DLG2: variants seen among roughly 807,000 people sequenced by gnomAD.
The protein encoded by DLG2 is disks large homolog 2.
DLG2 carries 45 observed loss-of-function variants against 132.5 expected under a neutral mutation model. The observed-to-expected ratio is 0.34, with a 90% confidence interval of 0.27 to 0.44. The LOEUF (loss-of-function observed/expected upper bound fraction) is 0.44, where lower values mean the gene tolerates loss of function less well. Ranked by LOEUF, DLG2 falls within the 20% of genes least tolerant of loss-of-function variation. DLG2 has a pLI of 1.00. For missense variants in DLG2, 1,045 were observed against 1,196.9 expected (o/e 0.87, Z 1.87); for synonymous variants, 424 against 419.6 (o/e 1.01, Z -0.13).
At chr11:85,505,598 A>G (rs894629731) in intron 3 of DLG2, among the ~76,000 whole-genome samples, 1 of 152,022 alleles carries the variant, frequency 6.6e-6, no homozygotes, top group East Asian at 1.9e-4. Flanking sequence ...AAGATTTCTG[A>G]TGTGCTGCTG....
intron 6 of DLG2, among the ~76,000 whole-genome samples, chr11:85,064,515 G>A (rs2064595289): frequency 1.3e-5 from 2 of 151,584 alleles, no homozygotes; most frequent in African/African-American, 4.8e-5. Context: ...CTAATATACA[G>A]TATAACCTAT....
At chr11:84,233,396 G>A (rs867319604) in intron 8 of DLG2, among the ~76,000 whole-genome samples, 2 of 152,158 alleles carry the variant, frequency 1.3e-5, no homozygotes, top group African/African-American at 4.8e-5. Flanking sequence ...GAAAAATCAA[G>A]CTGAAAACAT....
chr11:84,181,722 A>C (rs1033570182), intron 8 of DLG2, among the ~76,000 whole-genome samples: 6 of 152,194 alleles, frequency 3.9e-5, no homozygotes, highest in African/African-American at 1.4e-4. Context: ...AGAAAGTGGG[A>C]GTAGCTATAT....
At chr11:84,788,544 C>A (rs1398590992) in intron 6 of DLG2, among the ~76,000 whole-genome samples, 1 of 151,890 alleles carries the variant, frequency 6.6e-6, no homozygotes, top group African/African-American at 2.4e-5. Flanking sequence ...CTTAGTATTC[C>A]AATGTATAAT....
intron 6 of DLG2, among the ~76,000 whole-genome samples, chr11:84,974,979 C>T (rs769650299): frequency 2.0e-5 from 3 of 152,164 alleles, no homozygotes; most frequent in Non-Finnish European, 4.4e-5. Flanking sequence ...ATATTATTCT[C>T]AGATTTTATA....
At chr11:84,858,625 T>C (rs535651335) in intron 6 of DLG2, among the ~76,000 whole-genome samples, 1 of 152,234 alleles carries the variant, frequency 6.6e-6, no homozygotes, top group South Asian at 2.1e-4. Context: ...CAGGATATTT[T>C]TGTGAATTAA....
intron 6 of DLG2, among the ~76,000 whole-genome samples, chr11:84,903,712 C>G (rs1213921307): frequency 6.6e-6 from 1 of 152,054 alleles, no homozygotes; most frequent in Non-Finnish European, 1.5e-5. Context: ...GCAGTTCTTT[C>G]TCTACTTCAA....
intron 4 of DLG2, among the ~76,000 whole-genome samples, chr11:85,233,226 A>G (rs979789641): frequency 1.3e-5 from 2 of 151,522 alleles, no homozygotes; most frequent in African/African-American, 4.8e-5. Context: ...AGGTCTGCGT[A>G]TTGTTTTTTT....
chr11:84,365,875 T>A (rs1371832455), intron 7 of DLG2, among the ~76,000 whole-genome samples: 2 of 152,030 alleles, frequency 1.3e-5, no homozygotes, highest in African/African-American at 4.8e-5. Context: ...TGGAACCAAG[T>A]TGGAAAACAC....
At chr11:85,278,523 C>T (rs975927590) in intron 4 of DLG2, among the ~76,000 whole-genome samples, 1 of 151,996 alleles carries the variant, frequency 6.6e-6, no homozygotes, top group African/African-American at 2.4e-5. Flanking sequence ...TCGCTTGAAC[C>T]TGGGAGGTGG....
At chr11:84,165,931 A>T (rs1420077432) in intron 8 of DLG2, among the ~76,000 whole-genome samples, 1 of 152,096 alleles carries the variant, frequency 6.6e-6, no homozygotes, top group South Asian at 2.1e-4. Context: ...AACAACAACA[A>T]CAAAGCATCC....
chr11:84,892,189 G>A (rs1252515148), intron 6 of DLG2, among the ~76,000 whole-genome samples: 2 of 152,140 alleles, frequency 1.3e-5, no homozygotes, highest in African/African-American at 4.8e-5. Flanking sequence ...AAAGGCAACT[G>A]ATGTCATAGG....
At chr11:83,763,609 C>T (rs1256268063) in intron 18 of DLG2, among the ~76,000 whole-genome samples, 1 of 152,178 alleles carries the variant, frequency 6.6e-6, no homozygotes, top group Admixed American at 6.5e-5. Flanking sequence ...CATATTTCAT[C>T]AATTGTAAAA....
chr11:83,964,158 T>G (rs2089637860), intron 13 of DLG2, among the ~76,000 whole-genome samples: 1 of 151,998 alleles, frequency 6.6e-6, no homozygotes, highest in Non-Finnish European at 1.5e-5. Context: ...TTAGGTTTAT[T>G]AGAGTCGTTT....
At chr11:84,211,773 T>A (rs1230234591) in intron 8 of DLG2, among the ~76,000 whole-genome samples, 1 of 152,200 alleles carries the variant, frequency 6.6e-6, no homozygotes, top group Non-Finnish European at 1.5e-5. Flanking sequence ...AGGATCAGAT[T>A]TAACTCAGCA....
intron 7 of DLG2, among the ~76,000 whole-genome samples, chr11:84,251,642 T>TC (rs1274611497): frequency 7.0e-6 from 1 of 143,114 alleles, no homozygotes. Context: ...CTTTTCTTTC[T>TC]TTTTTTTTTT....
At chr11:85,120,504 T>C (rs575703759) in intron 5 of DLG2, among the ~76,000 whole-genome samples, 1 of 152,192 alleles carries the variant, frequency 6.6e-6, no homozygotes, top group South Asian at 2.1e-4. Context: ...TTATGGTTTC[T>C]TTAGCAAATA....
chr11:84,962,257 C>T (rs988831554), intron 6 of DLG2, among the ~76,000 whole-genome samples: 8 of 152,274 alleles, frequency 5.3e-5, no homozygotes, highest in South Asian at 2.1e-4. Flanking sequence ...AGATTAAACA[C>T]GTAGTAGAGA....
At chr11:84,349,240 G>T (rs981452615) in intron 7 of DLG2, among the ~76,000 whole-genome samples, 15 of 152,216 alleles carry the variant, frequency 9.9e-5, no homozygotes, top group South Asian at 4.1e-4. Context: ...AAGTAGGGGT[G>T]CTGGGGACAG....
Sources: allele counts gnomAD v4.1 joint callset (sites outside exome capture counted in the v4.1 genomes callset), GRCh38; gene constraint gnomAD v4.1.1; transcripts MANE v1.5; gene names NCBI Gene and HGNC (gene_info 2026-07-23, HGNC 2026-07-21).